PDE4D: variants seen among roughly 807,000 people sequenced by gnomAD.
PDE4D encodes the protein 3',5'-cyclic-AMP phosphodiesterase 4D.
PDE4D carries 24 observed loss-of-function variants against 87.4 expected under a neutral mutation model. That is an observed-to-expected ratio of 0.27 (90% confidence interval 0.20 to 0.39). PDE4D has a LOEUF of 0.39. Among genes scored for constraint, PDE4D ranks in the 10% least tolerant of loss-of-function variants. The pLI is 1.00. For missense variants in PDE4D, 714 were observed against 1,041.0 expected (o/e 0.69, Z 4.32); for synonymous variants, 384 against 383.2 (o/e 1.00, Z -0.02).
chr5:60,250,624 T>C (rs1331415763), intron 1 of PDE4D, among the ~76,000 whole-genome samples: 1 of 151,996 alleles, frequency 6.6e-6, no homozygotes, highest in African/African-American at 2.4e-5. Context: ...AGTACTTATA[T>C]GTTTGTAGCA....
At chr5:59,441,621 C>T (rs996554463) in intron 1 of PDE4D, among the ~76,000 whole-genome samples, 10 of 152,106 alleles carry the variant, frequency 6.6e-5, no homozygotes, top group African/African-American at 1.4e-4. Flanking sequence ...TGTGATATGA[C>T]GATTGCAGGG....
At chr5:60,048,922 C>G (rs927973779) in intron 2 of PDE4D, among the ~76,000 whole-genome samples, 42 of 152,132 alleles carry the variant, frequency 2.8e-4, no homozygotes, top group East Asian at 1.7e-3. Flanking sequence ...TGCCTTGCTA[C>G]ATTGGGGAAG....
rs111838329 is a variant in PDE4D, at chr5:59,430,357, G to A, written c.456-214389C>T. 1.8e-5 allele frequency: 22 copies of A among 1,231,312 alleles called. 2 individuals carry two copies. The African/African-American group carries it at 2.6e-4, about 15-fold the overall frequency. The allele number at this position is 1,231,312 out of a possible 1,614,324, so 76.3% of individuals were successfully genotyped here. A position where few individuals can be genotyped will look rare whatever the true frequency, so the allele number is the denominator to read the frequency against. On this transcript the variant is annotated intron_variant, in intron 1 of 14. Coordinates refer to ENST00000340635, the MANE Select transcript of PDE4D (RefSeq NM_001104631.2). ...CGCGTATGGTGATCCATGAACATAA[G>A]CGCTTCGGAATCTAGCCACCTTCCC... is the stretch of plus-strand genomic sequence containing the variant.
At chr5:60,023,039 G>T (rs1766244427) in intron 2 of PDE4D, among the ~76,000 whole-genome samples, 1 of 152,146 alleles carries the variant, frequency 6.6e-6, no homozygotes, top group Admixed American at 6.6e-5. Flanking sequence ...TAGCACAGTG[G>T]TTAAATTCAG....
chr5:59,636,028 T>G (rs1832194214), intron 1 of PDE4D, among the ~76,000 whole-genome samples: 1 of 152,164 alleles, frequency 6.6e-6, no homozygotes. Flanking sequence ...ATAAGCAACT[T>G]CAGCAAAGTC....
At chr5:60,490,489 A>G (rs1433959260), upstream of PDE4D, 1 of 152,224 alleles carries the variant, frequency 6.6e-6, no homozygotes, top group Non-Finnish European at 1.5e-5. Flanking sequence ...TAGTACCATT[A>G]TCTTCTTTTG....
chr5:59,342,458 A>G (rs1490076935), intron 1 of PDE4D, among the ~76,000 whole-genome samples: 4 of 152,138 alleles, frequency 2.6e-5, no homozygotes, highest in Non-Finnish European at 5.9e-5. Context: ...TGAACCATAA[A>G]TTACCATATT....
Position 59,515,775 on chromosome 5 carries a change from C to G in PDE4D, c.456-299807G>C, listed in dbSNP as rs148481060. ...AATGTATAAAATGCACTGAATAACA[C>G]TAAAGGAGGCAATTAATAGAGGGAT... On this transcript the variant is annotated intron_variant, in intron 1 of 14. Transcript: ENST00000340635. Among the ~76,000 whole-genome samples the G allele has an allele frequency of 1.4e-3, 219 of 152,170 alleles. 1 individual carries two copies. The highest frequency in any genetic ancestry group is 5.1e-3 in the African/African-American group (210 of 41,514).
intron 2 of PDE4D, among the ~76,000 whole-genome samples, chr5:60,048,880 T>C (rs548741459): frequency 1.3e-5 from 2 of 152,318 alleles, no homozygotes; most frequent in African/African-American, 4.8e-5. Context: ...CTTTTTGGCA[T>C]TCTCTGTATT....
At chr5:59,790,016 G>A (rs1168891876) in intron 1 of PDE4D, among the ~76,000 whole-genome samples, 1 of 152,182 alleles carries the variant, frequency 6.6e-6, no homozygotes. Flanking sequence ...GAGAGAGTTT[G>A]GGGAGGGAGG....
intron 5 of PDE4D, among the ~76,000 whole-genome samples, chr5:59,066,262 G>T (rs1251367850): frequency 6.6e-6 from 1 of 152,120 alleles, no homozygotes; most frequent in Non-Finnish European, 1.5e-5. Context: ...AAAAGCACAT[G>T]CAGGAACACA....
At chr5:59,310,558 T>C (rs1772379459) in intron 1 of PDE4D, among the ~76,000 whole-genome samples, 1 of 152,100 alleles carries the variant, frequency 6.6e-6, no homozygotes, top group Non-Finnish European at 1.5e-5. Flanking sequence ...GAGAGGACAA[T>C]TCTTTCTCTG....
intron 1 of PDE4D, among the ~76,000 whole-genome samples, chr5:59,330,901 T>C (rs1240493829): frequency 6.6e-6 from 1 of 152,122 alleles, no homozygotes; most frequent in Non-Finnish European, 1.5e-5. Context: ...GACATCGTGA[T>C]GGATGCCTCT....
intron 12 of PDE4D, among the ~76,000 whole-genome samples, chr5:58,976,847 G>A (rs1430705814): frequency 1.3e-5 from 2 of 152,162 alleles, no homozygotes; most frequent in Non-Finnish European, 2.9e-5. Context: ...ATGTCTAAAT[G>A]GCACTGTCTA....
At chr5:59,623,971 C>T (rs1330734018) in intron 1 of PDE4D, among the ~76,000 whole-genome samples, 1 of 151,746 alleles carries the variant, frequency 6.6e-6, no homozygotes, top group Non-Finnish European at 1.5e-5. Context: ...TGCATCATAT[C>T]AGTTAACTAT....
intron 2 of PDE4D, among the ~76,000 whole-genome samples, chr5:60,027,689 T>C (rs1766785492): frequency 1.3e-5 from 2 of 152,250 alleles, no homozygotes; most frequent in African/African-American, 4.8e-5. Flanking sequence ...GAATGGTGTC[T>C]GATGCATGCT....
chr5:60,093,474 G>A (rs1213468603), intron 2 of PDE4D, among the ~76,000 whole-genome samples: 2 of 152,128 alleles, frequency 1.3e-5, no homozygotes, highest in East Asian at 1.9e-4. Context: ...CAGGGCAAAA[G>A]GATGGAAAAG....
chr5:60,298,748 C>G (rs1753635892), intron 1 of PDE4D, among the ~76,000 whole-genome samples: 1 of 152,180 alleles, frequency 6.6e-6, no homozygotes, highest in African/African-American at 2.4e-5. Context: ...GGATGATTAA[C>G]ATCCATTATC....
intron 1 of PDE4D, among the ~76,000 whole-genome samples, chr5:59,584,225 C>T (rs1369320176): frequency 6.6e-6 from 1 of 152,060 alleles, no homozygotes; most frequent in Non-Finnish European, 1.5e-5. Context: ...GAAGGGGAGG[C>T]TATAAATAAG....
Sources: gnomAD v4.1 joint callset for allele counts (sites outside exome capture counted in the v4.1 genomes callset) on GRCh38, gnomAD v4.1.1 for gene constraint, MANE v1.5 for transcripts, NCBI Gene and HGNC (gene_info 2026-07-23, HGNC 2026-07-21) for gene names.